SYNE2: variants seen among roughly 807,000 people sequenced by gnomAD.
SYNE2 encodes the protein nesprin-2.
Under a neutral mutation model 856.3 loss-of-function variants are expected in SYNE2, and 431 were observed. The observed-to-expected ratio is 0.50, with a 90% CI of 0.47 to 0.55. The LOEUF is 0.55. SYNE2 is among the 20% of genes least tolerant of loss of function. SYNE2 has a pLI of 0.00. For missense variants in SYNE2, 8,129 were observed against 8,023.2 expected (o/e 1.01, Z -0.50); for synonymous variants, 2,923 against 2,872.3 (o/e 1.02, Z -0.56).
Position 63,939,479 on chromosome 14 carries a change from C to T in SYNE2, c.80-1135C>T, listed in dbSNP as rs144056025. Among the ~76,000 whole-genome samples, 1,460 of 152,028 alleles carry T rather than the reference C, an allele frequency of 9.6e-3. 17 individuals are homozygous for T. Among genetic ancestry groups the T allele is most frequent in the African/African-American group, 0.032 (1,343 of 41,436 alleles). Reference sequence around the variant, plus strand: ...TCTCCGGCCTCAGCCTCCCAAGTAGCTGGGACTACAGGCGTGTGCCACCAC... The same window carrying T: ...TCTCCGGCCTCAGCCTCCCAAGTAGTTGGGACTACAGGCGTGTGCCACCAC... On this transcript the variant is annotated intron_variant, in intron 2 of 115. Transcript: ENST00000555002.
At chr14:63,955,541 A>G (rs1482427446) in intron 8 of SYNE2, among the ~76,000 whole-genome samples, 1 of 152,230 alleles carries the variant, frequency 6.6e-6, no homozygotes, top group African/African-American at 2.4e-5. Context: ...AGCTATTAAA[A>G]AAACATTAAG....
intron 87 of SYNE2, among the ~76,000 whole-genome samples, chr14:64,159,807 A>T (rs1235545921): frequency 1.3e-5 from 2 of 152,164 alleles, no homozygotes; most frequent in African/African-American, 4.8e-5. Flanking sequence ...TTCAAACATC[A>T]CTGGAAACAT....
chr14:64,112,764 C>T (rs2097821570), intron 65 of SYNE2, among the ~76,000 whole-genome samples: 1 of 152,126 alleles, frequency 6.6e-6, no homozygotes, highest in Non-Finnish European at 1.5e-5. Flanking sequence ...TTACTTGACT[C>T]AAGCTGTTTT....
intron 57 of SYNE2, among the ~76,000 whole-genome samples, chr14:64,081,882 C>A (rs576818467): frequency 2.0e-5 from 3 of 152,110 alleles, no homozygotes; most frequent in South Asian, 4.2e-4. Context: ...GTTAGGAGAT[C>A]GAGACCATCC....
At chr14:63,828,575 A>T (rs1889550982) in intron 1 of SYNE2, among the ~76,000 whole-genome samples, 1 of 151,974 alleles carries the variant, frequency 6.6e-6, no homozygotes, top group Non-Finnish European at 1.5e-5. Flanking sequence ...GGAGTTCAAG[A>T]TCAGCCTGGG....
intron 1 of SYNE2, among the ~76,000 whole-genome samples, chr14:63,774,160 C>T (rs923690189): frequency 2.0e-5 from 3 of 151,732 alleles, no homozygotes; most frequent in African/African-American, 4.8e-5. Context: ...TGGTAAAATC[C>T]CATCTCTACT....
chr14:63,786,844 G>A (rs1209386237), intron 1 of SYNE2, among the ~76,000 whole-genome samples: 5 of 152,112 alleles, frequency 3.3e-5, no homozygotes, highest in African/African-American at 1.2e-4. Context: ...GCTCACTGCA[G>A]CCTGGACATC....
At chr14:63,847,344 C>A (rs1200647660) in intron 1 of SYNE2, among the ~76,000 whole-genome samples, 1 of 151,706 alleles carries the variant, frequency 6.6e-6, no homozygotes, top group Non-Finnish European at 1.5e-5. Flanking sequence ...GTAGTCCCAG[C>A]TACTCAGGAG....
chr14:63,964,724 A>T (rs1032442524), intron 10 of SYNE2, among the ~76,000 whole-genome samples: 2 of 151,884 alleles, frequency 1.3e-5, no homozygotes, highest in Non-Finnish European at 2.9e-5. Context: ...GGGTTTCTCC[A>T]TGTTGGTCAG....
chr14:63,906,259 A>C (rs946200991), intron 1 of SYNE2, among the ~76,000 whole-genome samples: 1 of 151,860 alleles, frequency 6.6e-6, no homozygotes, highest in Non-Finnish European at 1.5e-5. Flanking sequence ...ATTGGCCTGA[A>C]GTTTTCTTTT....
chr14:63,853,382 G>A (rs541961221), intron 1 of SYNE2, among the ~76,000 whole-genome samples: 1 of 151,842 alleles, frequency 6.6e-6, no homozygotes, highest in African/African-American at 2.4e-5. Context: ...GCGCTCCGGG[G>A]ATTGGAGCGA....
rs947321235 is a variant in SYNE2, at chr14:64,059,687, C to T, written c.10068-3064C>T. Among the ~76,000 whole-genome samples, 16 of 152,382 alleles carry T rather than the reference C, an allele frequency of 1.0e-4. No individual in the cohort carries two copies. The South Asian group carries it at 1.7e-3, about 16-fold the overall frequency. ...GTAAACAGTATCTGGCTATTGCCTA[C>T]GTTTGCTCAAGGCCCTTGGGCTCTA... On this transcript the variant is annotated intron_variant, in intron 49 of 115. Transcript: ENST00000555002.
rs1334488816 is a variant in SYNE2 at position 64,003,052 on chromosome 14, G to A, written c.4119G>A (p.Lys1373=). The change falls in exon 30 of 116, where the codon AAG becomes AAA. Residue 1373 remains lysine, a synonymous_variant. Coordinates refer to ENST00000555002, the MANE Select transcript of SYNE2 (RefSeq NM_182914.3). ...KEGEIHLMKD[K]AKHLDKCLKM... ...GAGAAATTCATCTGATGAAAGACAA[G>A]GCCAAACATTTGGATAAATGTTTGA... 4 of 1,613,998 alleles carry A rather than the reference G, an allele frequency of 2.5e-6. No homozygotes were observed. Among genetic ancestry groups the A allele is most frequent in the African/African-American group, 2.7e-5 (2 of 74,904 alleles).
At chr14:64,083,963 T>C (rs1427225794) in intron 57 of SYNE2, among the ~76,000 whole-genome samples, 3 of 152,158 alleles carry the variant, frequency 2.0e-5, no homozygotes, top group African/African-American at 7.2e-5. Flanking sequence ...TCACTCTTTT[T>C]GCCCAGCCTG....
At chr14:64,088,392 G>T (rs1343147138) in intron 58 of SYNE2, among the ~76,000 whole-genome samples, 1 of 152,170 alleles carries the variant, frequency 6.6e-6, no homozygotes, top group Non-Finnish European at 1.5e-5. Flanking sequence ...GATAAAATAA[G>T]CTCAGTGTTT....
intron 1 of SYNE2, among the ~76,000 whole-genome samples, chr14:63,857,310 A>T (rs926315479): frequency 6.6e-6 from 1 of 152,028 alleles, no homozygotes; most frequent in African/African-American, 2.4e-5. Flanking sequence ...TCAATAGCTG[A>T]TTTCTTTTTA....
At chr14:63,977,130 A>G (rs954934129) in intron 12 of SYNE2, among the ~76,000 whole-genome samples, 1 of 152,230 alleles carries the variant, frequency 6.6e-6, no homozygotes, top group African/African-American at 2.4e-5. Flanking sequence ...AAATACACCA[A>G]TAAATAAAAG....
chr14:64,180,544 A>C (rs1269779818), intron 96 of SYNE2, among the ~76,000 whole-genome samples: 6 of 148,692 alleles, frequency 4.0e-5, no homozygotes, highest in Admixed American at 6.8e-5. Context: ...CGTTCTTGTC[A>C]CCCAGGCTGG....
chr14:64,202,828 T>A lies in SYNE2; in HGVS notation c.18066T>A (p.Ala6022=). The A allele has an allele frequency of 6.2e-7, 1 of 1,614,224 alleles. No homozygotes were observed. Among genetic ancestry groups the A allele is most frequent in the Non-Finnish European group, 8.5e-7 (1 of 1,180,040 alleles). ...TGAAGAAGCTGAAGGAGACCTTTGCTTTTATTCAGCAGTTGGACAAAAACA... is the reference window on the plus strand; with the variant it reads ...TGAAGAAGCTGAAGGAGACCTTTGCATTTATTCAGCAGTTGGACAAAAACA... ...SRVKKLKETF[A]FIQQLDKNMS... Residue 6022 remains alanine, a synonymous_variant, in exon 100 of 116, where the codon GCT becomes GCA. Transcript: ENST00000555002.
Sources: gnomAD v4.1 joint callset for allele counts (sites outside exome capture counted in the v4.1 genomes callset) on GRCh38, gnomAD v4.1.1 for gene constraint, MANE v1.5 for transcripts, NCBI Gene and HGNC (gene_info 2026-07-23, HGNC 2026-07-21) for gene names.